The following PSG1 variants were observed in gnomAD, a reference collection of about 807,000 sequenced individuals.
PSG1 encodes the protein pregnancy-specific beta-1-glycoprotein 1.
A neutral mutation model predicts 41.4 loss-of-function variants in PSG1; 60 were observed. That is an observed-to-expected ratio of 1.45 (90% CI 1.18 to 1.80). The LOEUF is 1.80. Among genes scored for constraint, PSG1 ranks in the 40% most tolerant of loss-of-function variants. The probability of loss-of-function intolerance (pLI) is 0.00; values close to 1 mark genes in which losing one functional copy is unlikely to be tolerated. For missense variants in PSG1, 806 were observed against 516.9 expected, an observed-to-expected ratio of 1.56 and a Z score of -5.42; for synonymous variants, 256 against 192.9, an observed-to-expected ratio of 1.33 and a Z score of -2.71.
chr19:42,878,601 C>A (rs1336316835), intron 1 of PSG1, among the ~76,000 whole-genome samples: 4 of 140,682 alleles, frequency 2.8e-5, no homozygotes, highest in Admixed American at 1.4e-4. Flanking sequence ...CCCTCAGGTC[C>A]TGCTTACATC....
intron 2 of PSG1, chr19:42,874,003 A>AG (rs1971501117): frequency 6.6e-6 from 1 of 151,038 alleles, no homozygotes; most frequent in African/African-American, 2.4e-5. Flanking sequence ...TATGAAAATG[A>AG]CATCATCATG....
chr19:42,878,427 A>T, intron 1 of PSG1, 149 bp from the exon 2 acceptor site: 2 of 1,292,488 alleles, frequency 1.5e-6, no homozygotes, highest in Non-Finnish European at 2.1e-6. Context: ...ACACACACAC[A>T]CAAAAGCGGC....
chr19:42,877,222 C>T (rs1405185215), intron 2 of PSG1, among the ~76,000 whole-genome samples: 7 of 151,640 alleles, frequency 4.6e-5, no homozygotes, highest in Non-Finnish European at 1.0e-4. Flanking sequence ...TCTGTTTCTG[C>T]TTCTGGGGAC....
chr19:42,871,512 C>A (rs1228270530), intron 3 of PSG1, among the ~76,000 whole-genome samples: 1 of 151,716 alleles, frequency 6.6e-6, no homozygotes, highest in Non-Finnish European at 1.5e-5. Flanking sequence ...AGATCTGGAG[C>A]CTGAGACCTT....
intron 5 of PSG1, chr19:42,867,578 A>C (rs1392158400): frequency 1.7e-5 from 11 of 654,142 alleles, no homozygotes; most frequent in Admixed American, 3.1e-5. Context: ...CAAATGTGTC[A>C]TGTTACAAAG....
At chr19:42,874,341 T>C (rs1386079465) in intron 2 of PSG1, among the ~76,000 whole-genome samples, 1 of 150,898 alleles carries the variant, frequency 6.6e-6, no homozygotes, top group Non-Finnish European at 1.5e-5. Context: ...ATTCTTCATT[T>C]CTCTAACAGG....
Position 42,867,094 on chromosome 19 carries a change from A to C in PSG1, c.*40T>G. On this transcript the variant is annotated 3_prime_UTR_variant, in exon 6 of 6. Coordinates refer to ENST00000436291, the MANE Select transcript of PSG1 (RefSeq NM_001184825.2). ...AACAGAGTGGGTCTTGCTCTTAGTG[A>C]TTCCATGGGAGAAAATGGAATTGGA... The C allele has an allele frequency of 1.3e-6, 1 of 772,890 alleles. No individual in the cohort carries two copies. The highest frequency in any genetic ancestry group is 2.4e-6 in the Non-Finnish European group (1 of 417,558). The allele number at this position is 772,890 out of a possible 1,614,324, so 47.9% of individuals were successfully genotyped here. A position where few individuals can be genotyped will look rare whatever the true frequency, so the allele number is the denominator to read the frequency against.
intron 2 of PSG1, among the ~76,000 whole-genome samples, chr19:42,877,437 T>C (rs1971655585): frequency 6.6e-6 from 1 of 151,580 alleles, no homozygotes; most frequent in African/African-American, 2.4e-5. Flanking sequence ...TTGGTCCCAG[T>C]AAGCCCTGCC....
rs185491635 is a variant in PSG1 at position 42,878,962 on chromosome 19, G to A, written c.64+556C>T. Among the ~76,000 whole-genome samples the A allele has an allele frequency of 1.5e-4, 22 of 151,420 alleles. 1 individual carries two copies. The East Asian group carries it at 3.9e-3, about 27-fold the overall frequency. ...TATATTTTTATTTGAGGTGTCATCTGCTATAGTTATTATTATCATTTTTCA... is the reference window on the plus strand; with the variant it reads ...TATATTTTTATTTGAGGTGTCATCTACTATAGTTATTATTATCATTTTTCA... On this transcript the variant is annotated intron_variant, in intron 1 of 5. Coordinates refer to ENST00000436291, the MANE Select transcript of PSG1 (RefSeq NM_001184825.2).
intron 2 of PSG1, among the ~76,000 whole-genome samples, chr19:42,877,534 C>G (rs1230679732): frequency 2.6e-5 from 4 of 151,740 alleles, no homozygotes; most frequent in Admixed American, 6.6e-5. Flanking sequence ...GTTGAGGCTT[C>G]TAGGGCTGAG....
intron 2 of PSG1, among the ~76,000 whole-genome samples, chr19:42,873,227 T>G (rs1009432490): frequency 6.6e-6 from 1 of 151,676 alleles, no homozygotes; most frequent in Non-Finnish European, 1.5e-5. Flanking sequence ...AAACTAAGTG[T>G]TTTGGATGTC....
intron 3 of PSG1, among the ~76,000 whole-genome samples, chr19:42,870,799 A>T (rs931361024): frequency 2.6e-5 from 4 of 151,698 alleles, no homozygotes; most frequent in Non-Finnish European, 5.9e-5. Flanking sequence ...TGTAGTTTTC[A>T]GGGTATAATC....
chr19:42,875,399 C>T (rs918044550), intron 2 of PSG1, among the ~76,000 whole-genome samples: 2 of 151,718 alleles, frequency 1.3e-5, no homozygotes, highest in African/African-American at 4.8e-5. Context: ...GCTCCAGTGT[C>T]ATTGGGACAG....
In PSG1 at chr19:42,878,194, T is replaced by G; in HGVS notation, c.149A>C (p.Asp50Ala). The G allele has an allele frequency of 6.2e-7, 1 of 1,612,050 alleles. No homozygotes were observed. Among genetic ancestry groups the G allele is most frequent in the East Asian group, 2.2e-5 (1 of 44,778 alleles). ...CAAATTGTGGACAAGTAGAAGAACA[T>G]CCTTCCCCTCGGAAACTTTGGTTGG... ...AEPTKVSEGK[D>A]VLLLVHNLPQ... Residue 50 changes from aspartate to alanine, a missense_variant, in exon 2 of 6, where the codon GAT becomes GCT. Physicochemically the swap from Asp to Ala is moderately radical, Grantham distance 126. Coordinates refer to ENST00000436291, the MANE Select transcript of PSG1 (RefSeq NM_001184825.2).
intron 1 of PSG1, among the ~76,000 whole-genome samples, chr19:42,878,861 G>A (rs1247382017): frequency 1.3e-5 from 2 of 151,462 alleles, no homozygotes; most frequent in African/African-American, 2.4e-5. Flanking sequence ...AGTTCTCAGG[G>A]CCCTCCATGC....
intron 2 of PSG1, 37 bp from the exon 3 acceptor site, chr19:42,872,082 C>A: frequency 6.3e-7 from 1 of 1,588,640 alleles, no homozygotes; most frequent in Non-Finnish European, 8.6e-7. Flanking sequence ...CCGTGTGTGG[C>A]GCCTTTGATT....
rs745832193 is a variant in PSG1 at position 42,878,152 on chromosome 19, C to T, written c.191G>A (p.Gly64Asp). The T allele has an allele frequency of 3.1e-6, 5 of 1,612,142 alleles. No homozygotes were observed. Among genetic ancestry groups the T allele is most frequent in the South Asian group, 1.1e-5 (1 of 90,800 alleles). Residue 64 changes from glycine (G) to aspartate (D), a missense_variant, in exon 2 of 6, where the codon GGC becomes GAC. Coordinates refer to ENST00000436291, the MANE Select transcript of PSG1 (RefSeq NM_001184825.2). ...CATTTGCCCTTTGTACCAGATGTAG[C>T]CGGTAAGATTCTGGGGCAAATTGTG... ...LVHNLPQNLTGYIWYKGQMRD... is the reference protein window; with the variant it reads ...LVHNLPQNLTDYIWYKGQMRD...
chr19:42,871,059 A>C (rs1286971859), intron 3 of PSG1, among the ~76,000 whole-genome samples: 15 of 151,496 alleles, frequency 9.9e-5, no homozygotes, highest in Admixed American at 9.9e-4. Context: ...TGATAGCTAG[A>C]TAGACTTCAC....
intron 2 of PSG1, among the ~76,000 whole-genome samples, chr19:42,877,423 A>G (rs1403356787): frequency 1.3e-5 from 2 of 151,488 alleles, no homozygotes; most frequent in South Asian, 2.1e-4. Context: ...CAGCTGGTAA[A>G]TCCTTGGTCC....
Sources: gnomAD v4.1 joint callset for allele counts (sites outside exome capture counted in the v4.1 genomes callset) on GRCh38, gnomAD v4.1.1 for gene constraint, MANE v1.5 for transcripts, NCBI Gene and HGNC (gene_info 2026-07-23, HGNC 2026-07-21) for gene names.